The following ZDHHC11B variants were observed in gnomAD, a reference collection of about 807,000 sequenced individuals.
ZDHHC11B encodes the protein probable palmitoyltransferase ZDHHC11B.
ZDHHC11B carries 17 observed loss-of-function variants against 42.3 expected under a neutral mutation model. The ratio of observed to expected loss-of-function variants is 0.40; its 90% CI spans 0.27 to 0.60. The LOEUF (loss-of-function observed/expected upper bound fraction) is 0.60, where lower values mean the gene tolerates loss of function less well. Ranked by LOEUF, ZDHHC11B falls within the 20% of genes least tolerant of loss-of-function variation. ZDHHC11B has a pLI of 0.41. For synonymous variants in ZDHHC11B, 123 were observed against 193.5 expected, an observed-to-expected ratio of 0.64 and a Z score of 3.02; for missense variants, 262 against 463.2, an observed-to-expected ratio of 0.57 and a Z score of 3.99.
intron 11 of ZDHHC11B, among the ~76,000 whole-genome samples, chr5:733,217 C>A (rs410668): frequency 7.1e-6 from 1 of 141,384 alleles, no homozygotes. Flanking sequence ...ACATATACAA[C>A]TGACCACACA....
chr5:729,100 G>T (rs1218181353), intron 12 of ZDHHC11B, among the ~76,000 whole-genome samples: 1 of 151,420 alleles, frequency 6.6e-6, no homozygotes, highest in African/African-American at 2.4e-5. Context: ...GTGAGGGGGA[G>T]ACCGGGAGGC....
intron 1 of ZDHHC11B, among the ~76,000 whole-genome samples, chr5:772,388 G>C (rs1323278985): frequency 2.0e-5 from 3 of 149,000 alleles, no homozygotes; most frequent in African/African-American, 7.3e-5. Context: ...GACCATCGCC[G>C]GATCTACTGA....
In ZDHHC11B at chr5:776,015, C is replaced by G. The variant is rs556321264; in HGVS notation, c.-229-7085G>C. 1.5e-3 allele frequency among the ~76,000 whole-genome samples: 227 copies of G among 148,984 alleles called. 8 individuals carry two copies. Among genetic ancestry groups the G allele is most frequent in the African/African-American group, 5.3e-3 (210 of 39,750 alleles). ...CATGGGCAGATTCCCATGCAGATAC[C>G]CTGGCCTCCGCAGGCTCAGCTGGGT... is the stretch of plus-strand genomic sequence containing the variant. On this transcript the variant is annotated intron_variant, in intron 1 of 13. Coordinates refer to ENST00000508859, the MANE Select transcript of ZDHHC11B (RefSeq NM_001351303.2).
rs550133552 is a variant in ZDHHC11B at position 737,935 on chromosome 5, C to G, written c.935+3659G>C. 3.8e-5 allele frequency among the ~76,000 whole-genome samples: 5 copies of G among 131,332 alleles called. 1 individual carries two copies. The Admixed American group carries it at 4.2e-4, about 11-fold the overall frequency. The allele number at this position is 131,332 out of a possible 152,430, so 86.2% of individuals were successfully genotyped here. On this transcript the variant is annotated intron_variant, in intron 10 of 13. Transcript: ENST00000508859. The stretch of plus-strand genomic sequence containing the variant: ...TTCACCACTTCCTTTCGACACAGTA[C>G]TGGAAGATCTAGCCAGAGCAATCAG...
At chr5:778,335 G>A (rs371158240) in intron 1 of ZDHHC11B, among the ~76,000 whole-genome samples, 7,468 of 136,604 alleles carry the variant, frequency 0.055, 160 homozygotes, top group African/African-American at 0.15. Context: ...CTCCATTAAA[G>A]GCACCTTCTG....
chr5:713,013 C>T (rs1168388770), intron 13 of ZDHHC11B, among the ~76,000 whole-genome samples: 9 of 150,760 alleles, frequency 6.0e-5, no homozygotes, highest in Non-Finnish European at 1.0e-4. Flanking sequence ...CTTGGATTCA[C>T]TGGGCTTTAT....
Position 747,911 on chromosome 5 carries a change from C to T in ZDHHC11B, c.784+493G>A, listed in dbSNP as rs1274016500. ...TCCGTCGTTCAGCAACATGACTGAC[C>T]GCCTACCGCTGTGCCCACTGTGAGA... is the stretch of plus-strand genomic sequence containing the variant. On this transcript the variant is annotated intron_variant, in intron 8 of 13. Transcript: ENST00000508859. 176 of 269,838 alleles carry T rather than the reference C, an allele frequency of 6.5e-4. 10 individuals are homozygous for T. Among genetic ancestry groups the T allele is most frequent in the Non-Finnish European group, 8.2e-5 (12 of 147,046 alleles). 16.7% of individuals were successfully genotyped at this position (269,838 alleles called of 1,614,324 possible).
At chr5:774,711 C>T (rs28442207) in intron 1 of ZDHHC11B, among the ~76,000 whole-genome samples, 4 of 45,868 alleles carry the variant, frequency 8.7e-5, no homozygotes, top group Admixed American at 5.0e-4. Context: ...TCACTAGGGC[C>T]AGGGGTCTGC....
At position 711,543 on chromosome 5, in the gene ZDHHC11B, A is replaced by C. The variant is rs879234685; in HGVS notation, c.*747T>G. 8.9e-6 allele frequency: 1 copy of C among 112,426 alleles called. No homozygotes were observed. The highest frequency in any genetic ancestry group is 1.9e-5 in the Non-Finnish European group (1 of 53,984). The allele number at this position is 112,426 out of a possible 1,614,324, so 7.0% of individuals were successfully genotyped here. A position where few individuals can be genotyped will look rare whatever the true frequency, so the allele number is the denominator to read the frequency against. On this transcript the variant is annotated 3_prime_UTR_variant, in exon 14 of 14. Coordinates refer to ENST00000508859, the MANE Select transcript of ZDHHC11B (RefSeq NM_001351303.2). ...CCCAGTACTGTGCTCCCATTTCCCA[A>C]AACTGTGCTCTCATTTCCTAGCACT... is the stretch of plus-strand genomic sequence containing the variant.
chr5:747,567 C>T (rs1449134594), intron 8 of ZDHHC11B: 40 of 148,102 alleles, frequency 2.7e-4, no homozygotes, highest in Admixed American at 5.5e-4. Flanking sequence ...CTGAGCTGGG[C>T]GTTCTTGCCA....
At chr5:726,223 G>A (rs1168087949) in intron 12 of ZDHHC11B, among the ~76,000 whole-genome samples, 3 of 151,760 alleles carry the variant, frequency 2.0e-5, no homozygotes, top group South Asian at 4.2e-4. Context: ...GACTTTCCCC[G>A]TGTGGCAAAG....
intron 1 of ZDHHC11B, among the ~76,000 whole-genome samples, chr5:769,135 AC>A (rs1169828503): frequency 8.6e-6 from 1 of 116,670 alleles, no homozygotes; most frequent in African/African-American, 2.8e-5. Flanking sequence ...TTTCTTTATC[AC>A]CCCAAAGTCA....
chr5:724,831 C>G (rs1465588013), intron 12 of ZDHHC11B, among the ~76,000 whole-genome samples: 7 of 148,314 alleles, frequency 4.7e-5, no homozygotes, highest in African/African-American at 1.5e-4. Flanking sequence ...AACCCAGCAC[C>G]TGGAAGCGAC....
chr5:739,585 G>A (rs1413529371), intron 10 of ZDHHC11B, among the ~76,000 whole-genome samples: 1 of 148,564 alleles, frequency 6.7e-6, no homozygotes, highest in Non-Finnish European at 1.5e-5. Context: ...ACTCCTGGAA[G>A]AATGGCCATA....
At chr5:762,416 C>A (rs1349736656) in intron 4 of ZDHHC11B, among the ~76,000 whole-genome samples, 3 of 151,874 alleles carry the variant, frequency 2.0e-5, no homozygotes, top group Non-Finnish European at 4.4e-5. Flanking sequence ...TAAAGCACAT[C>A]CTTGGACCCC....
chr5:784,080 C>T (rs1410811512), intron 1 of ZDHHC11B, among the ~76,000 whole-genome samples: 1 of 151,464 alleles, frequency 6.6e-6, no homozygotes, highest in African/African-American at 2.4e-5. Context: ...TAGCCAAGGC[C>T]CGGGGCAGCT....
At chr5:754,281 C>T (rs74887804) in intron 6 of ZDHHC11B, among the ~76,000 whole-genome samples, 1,927 of 41,382 alleles carry the variant, frequency 0.047, 349 homozygotes, top group African/African-American at 0.048. Context: ...GAGCCTCCAC[C>T]GTGCTCAGGG....
intron 4 of ZDHHC11B, among the ~76,000 whole-genome samples, chr5:762,990 T>C (rs1734818067): frequency 6.6e-6 from 1 of 151,788 alleles, no homozygotes; most frequent in African/African-American, 2.4e-5. Flanking sequence ...ACCCTACAGA[T>C]GGGAAAAGGA....
chr5:780,549 G>C (rs1170843498), intron 1 of ZDHHC11B, among the ~76,000 whole-genome samples: 4 of 145,114 alleles, frequency 2.8e-5, no homozygotes, highest in African/African-American at 5.5e-5. Flanking sequence ...AAAGCACAGT[G>C]CTCAGGAATT....
Sources: gnomAD v4.1 joint callset for allele counts (sites outside exome capture counted in the v4.1 genomes callset) on GRCh38, gnomAD v4.1.1 for gene constraint, MANE v1.5 for transcripts, NCBI Gene and HGNC (gene_info 2026-07-23, HGNC 2026-07-21) for gene names.